The following RNF13 variants were observed in gnomAD, a reference collection of about 807,000 sequenced individuals.
RNF13 encodes the protein ring finger protein 13.
A neutral mutation model predicts 37.7 loss-of-function variants in RNF13; 19 were observed. The ratio of observed to expected loss-of-function variants is 0.50; its 90% CI spans 0.35 to 0.74. The LOEUF (loss-of-function observed/expected upper bound fraction) is 0.74, where lower values mean the gene tolerates loss of function less well. Ranked by LOEUF, RNF13 falls within the 30% of genes least tolerant of loss-of-function variation. The probability of loss-of-function intolerance (pLI) is 0.01; values close to 1 mark genes in which losing one functional copy is unlikely to be tolerated. For synonymous variants in RNF13, 144 were observed against 157.8 expected (o/e 0.91, Z 0.65); for missense variants, 375 against 453.0 (o/e 0.83, Z 1.56).
intron 7 of RNF13, among the ~76,000 whole-genome samples, chr3:149,914,391 A>G (rs886625227): frequency 1.3e-5 from 2 of 152,070 alleles, no homozygotes; most frequent in African/African-American, 4.8e-5. Flanking sequence ...TAATCATGTA[A>G]TCATGTCATT....
chr3:149,929,631 T>C (rs555302238), intron 8 of RNF13, among the ~76,000 whole-genome samples: 73 of 152,218 alleles, frequency 4.8e-4, no homozygotes, highest in African/African-American at 1.8e-3. Context: ...AAGGCAAAAA[T>C]TTGCAGTACT....
chr3:149,951,551 T>A (rs1310893705), intron 8 of RNF13, among the ~76,000 whole-genome samples: 1 of 152,226 alleles, frequency 6.6e-6, no homozygotes, highest in African/African-American at 2.4e-5. Context: ...TGCCTGTAGC[T>A]GTATTTGCTT....
At chr3:149,945,161 TG>T (rs1302511567) in intron 8 of RNF13, among the ~76,000 whole-genome samples, 6 of 152,222 alleles carry the variant, frequency 3.9e-5, no homozygotes, top group African/African-American at 9.6e-5. Flanking sequence ...TCTGTTCCAT[TG>T]GTCTATATCT....
At chr3:149,938,468 T>C (rs1719927287) in intron 8 of RNF13, among the ~76,000 whole-genome samples, 1 of 151,518 alleles carries the variant, frequency 6.6e-6, no homozygotes, top group Non-Finnish European at 1.5e-5. Context: ...CCACCGTGCC[T>C]GGCCATATTG....
intron 8 of RNF13, among the ~76,000 whole-genome samples, chr3:149,951,696 T>C (rs1460210979): frequency 6.6e-6 from 1 of 152,212 alleles, no homozygotes; most frequent in Non-Finnish European, 1.5e-5. Context: ...TTTCACATTT[T>C]AGGTCTTATA....
At chr3:149,835,387 T>C (rs1229650303) in intron 1 of RNF13, among the ~76,000 whole-genome samples, 1 of 152,162 alleles carries the variant, frequency 6.6e-6, no homozygotes, top group Non-Finnish European at 1.5e-5. Flanking sequence ...GAGATTTTGG[T>C]GCATCCATCA....
intron 1 of RNF13, among the ~76,000 whole-genome samples, chr3:149,842,627 G>T (rs968768092): frequency 3.9e-5 from 6 of 151,980 alleles, no homozygotes; most frequent in Non-Finnish European, 8.8e-5. Context: ...AATATTAAGG[G>T]TTTACCTATA....
chr3:149,923,152 G>T (rs1190298128), intron 8 of RNF13, among the ~76,000 whole-genome samples: 4 of 151,558 alleles, frequency 2.6e-5, no homozygotes, highest in Admixed American at 2.6e-4. Flanking sequence ...TTAAAATAAA[G>T]AAATGAATAG....
chr3:149,873,375 T>A (rs1003973919), intron 4 of RNF13, among the ~76,000 whole-genome samples: 1 of 152,166 alleles, frequency 6.6e-6, no homozygotes, highest in African/African-American at 2.4e-5. Context: ...TTATTGAATA[T>A]CTGTTTTTGA....
rs117902197 is a variant in RNF13 at position 149,831,494 on chromosome 3, C to A, written c.-16-14517C>A. Among the ~76,000 whole-genome samples, 384 of 152,244 alleles carry A rather than the reference C, an allele frequency of 2.5e-3. 4 individuals are homozygous for A. The highest frequency in any genetic ancestry group is 0.021 in the East Asian group (110 of 5,168). ...CAGTCTGCATGGACTCTGTACCCCC[C>A]TTGTTTCTGCCAGTTTCTCCCGTTT... On this transcript the variant is annotated intron_variant, in intron 1 of 9. Coordinates refer to ENST00000392894, the MANE Select transcript of RNF13 (RefSeq NM_183381.3).
chr3:149,936,395 T>C (rs944962535), intron 8 of RNF13, among the ~76,000 whole-genome samples: 2 of 152,086 alleles, frequency 1.3e-5, no homozygotes, highest in African/African-American at 4.8e-5. Context: ...GGCTATTTTC[T>C]AGATCTTATA....
intron 8 of RNF13, among the ~76,000 whole-genome samples, chr3:149,945,470 CTG>C (rs1720676681): frequency 6.6e-6 from 1 of 152,206 alleles, no homozygotes; most frequent in African/African-American, 2.4e-5. Flanking sequence ...CTGCCTGCCT[CTG>C]TAGTCTCCAC....
At chr3:149,868,324 A>C (rs1028832247) in intron 3 of RNF13, among the ~76,000 whole-genome samples, 1 of 151,370 alleles carries the variant, frequency 6.6e-6, no homozygotes, top group Non-Finnish European at 1.5e-5. Context: ...TTTTTTTTTA[A>C]TTTTAGCACA....
At chr3:149,828,907 C>T (rs537908518) in intron 1 of RNF13, among the ~76,000 whole-genome samples, 8 of 152,024 alleles carry the variant, frequency 5.3e-5, no homozygotes, top group African/African-American at 1.2e-4. Flanking sequence ...TTGTCACAGG[C>T]GCTGAGAGAT....
intron 7 of RNF13, among the ~76,000 whole-genome samples, chr3:149,917,075 A>G (rs1383209140): frequency 6.6e-6 from 1 of 152,196 alleles, no homozygotes; most frequent in African/African-American, 2.4e-5. Context: ...AACTCTAGTT[A>G]CTATGACTCT....
chr3:149,848,010 TATTTCTTC>T (rs1435594798), intron 2 of RNF13, among the ~76,000 whole-genome samples: 1 of 152,222 alleles, frequency 6.6e-6, no homozygotes, highest in Non-Finnish European at 1.5e-5. Context: ...ACAGTTTCTT[TATTTCTTC>T]ATGTAAACTG....
At chr3:149,929,802 A>G (rs1225053597) in intron 8 of RNF13, among the ~76,000 whole-genome samples, 2 of 152,166 alleles carry the variant, frequency 1.3e-5, no homozygotes, top group African/African-American at 4.8e-5. Context: ...TTCTCCCTTG[A>G]ATCACCTTTG....
At chr3:149,813,138 G>A (rs1203875831), upstream of RNF13, 2 of 152,308 alleles carry the variant, frequency 1.3e-5, no homozygotes, top group East Asian at 3.9e-4. Context: ...GCCTTAACAG[G>A]CAACCATGTT....
intron 8 of RNF13, among the ~76,000 whole-genome samples, chr3:149,922,466 C>G (rs1168149872): frequency 6.6e-6 from 1 of 152,158 alleles, no homozygotes; most frequent in Admixed American, 6.5e-5. Flanking sequence ...AATTTAAAAA[C>G]AATAATTAAA....
Sources: gnomAD v4.1 joint callset for allele counts (sites outside exome capture counted in the v4.1 genomes callset) on GRCh38, gnomAD v4.1.1 for gene constraint, MANE v1.5 for transcripts, NCBI Gene and HGNC (gene_info 2026-07-23, HGNC 2026-07-21) for gene names.